The following TAFA2 variants were observed in gnomAD, a reference collection of about 807,000 sequenced individuals.
TAFA2 encodes TAFA chemokine like family member 2.
TAFA2 carries 7 observed loss-of-function variants against 18.8 expected under a neutral mutation model. The observed-to-expected ratio is 0.37, with a 90% CI of 0.21 to 0.70. The LOEUF is 0.70. Among genes scored for constraint, TAFA2 ranks in the 30% least tolerant of loss-of-function variants. The pLI is 0.53. For synonymous variants in TAFA2, 60 were observed against 54.2 expected, an observed-to-expected ratio of 1.11 and a Z score of -0.47; for missense variants, 122 against 158.1, an observed-to-expected ratio of 0.77 and a Z score of 1.23.
At chr12:61,888,328 C>A (rs1187082098) in intron 1 of TAFA2, among the ~76,000 whole-genome samples, 1 of 152,154 alleles carries the variant, frequency 6.6e-6, no homozygotes. Context: ...CAGAATGTCC[C>A]TAAGTGATTA....
chr12:61,821,680 A>C (rs1403972001), intron 2 of TAFA2, among the ~76,000 whole-genome samples: 2 of 152,092 alleles, frequency 1.3e-5, no homozygotes, highest in Non-Finnish European at 2.9e-5. Context: ...TCTATCCAGC[A>C]CATCTTCAAG....
intron 1 of TAFA2, among the ~76,000 whole-genome samples, chr12:62,042,165 T>A (rs10784278): frequency 0.2 from 30,894 of 151,794 alleles, 3,772 homozygotes; most frequent in East Asian, 0.37. Flanking sequence ...CACCCCTTCA[T>A]GGGGAGTCGT....
intron 1 of TAFA2, among the ~76,000 whole-genome samples, chr12:61,993,661 G>A (rs1565708769): frequency 1.3e-5 from 2 of 152,158 alleles, no homozygotes; most frequent in African/African-American, 4.8e-5. Flanking sequence ...AAGTCTCATA[G>A]ATCAGGATTT....
rs148335327 is a variant in TAFA2, at chr12:61,740,071, C to T, written c.384+13551G>A. Among the ~76,000 whole-genome samples the T allele has an allele frequency of 8.2e-3, 1,245 of 152,180 alleles. 10 individuals carry two copies. The highest frequency in any genetic ancestry group is 0.026 in the African/African-American group (1,089 of 41,544). On this transcript the variant is annotated intron_variant, in intron 4 of 4. Coordinates refer to ENST00000416284, the MANE Select transcript of TAFA2 (RefSeq NM_178539.5). ...AGCATTCTTTGAAAATAAATTTACA[C>T]TGCCTGATATTACCCAGTTTCTCTT...
Position 62,188,429 on chromosome 12 carries a change from A to G in TAFA2, c.-2+2830T>C, listed in dbSNP as rs141983421. On this transcript the variant is annotated intron_variant, in intron 1 of 4. Transcript: ENST00000416284. ...TTTTCAAATATATTAGAAATAACTGATGACACTTTGGAACATTCCTTGTTT... is the reference window on the plus strand; with the variant it reads ...TTTTCAAATATATTAGAAATAACTGGTGACACTTTGGAACATTCCTTGTTT... 2.9e-3 allele frequency among the ~76,000 whole-genome samples: 446 copies of G among 152,340 alleles called. 1 individual carries two copies. The highest frequency in any genetic ancestry group is 4.7e-3 in the Non-Finnish European group (321 of 68,024).
chr12:61,908,878 G>T (rs996407264), intron 1 of TAFA2, among the ~76,000 whole-genome samples: 4 of 152,120 alleles, frequency 2.6e-5, no homozygotes, highest in Non-Finnish European at 5.9e-5. Context: ...TCAGAATGTT[G>T]TATTCTCAGC....
intron 4 of TAFA2, among the ~76,000 whole-genome samples, chr12:61,750,196 C>A (rs1023127219): frequency 2.6e-5 from 4 of 152,012 alleles, no homozygotes; most frequent in African/African-American, 9.7e-5. Context: ...TTGAAAAGTT[C>A]TTTATTTGTC....
At chr12:61,858,361 T>C (rs1021564687) in intron 2 of TAFA2, among the ~76,000 whole-genome samples, 1 of 152,184 alleles carries the variant, frequency 6.6e-6, no homozygotes, top group Non-Finnish European at 1.5e-5. Flanking sequence ...CACCTAACCA[T>C]TTCATTCTTT....
intron 4 of TAFA2, among the ~76,000 whole-genome samples, chr12:61,724,749 CTATG>C (rs1251158369): frequency 2.1e-5 from 2 of 96,286 alleles, no homozygotes; most frequent in Non-Finnish European, 4.3e-5. Context: ...CATGGTATGT[CTATG>C]TGTGTGTGTG....
intron 1 of TAFA2, among the ~76,000 whole-genome samples, chr12:61,948,378 T>C (rs1184817081): frequency 6.6e-6 from 1 of 152,122 alleles, no homozygotes; most frequent in Non-Finnish European, 1.5e-5. Context: ...GGGATTCTAA[T>C]ACAAACATTT....
chr12:62,129,830 T>C (rs1870612143), intron 1 of TAFA2, among the ~76,000 whole-genome samples: 1 of 151,944 alleles, frequency 6.6e-6, no homozygotes, highest in Non-Finnish European at 1.5e-5. Flanking sequence ...CATTACCAAA[T>C]GTCCGCTATA....
rs144766955 is a variant in TAFA2, at chr12:61,769,447, T to A, written c.107-14423A>T. 3.3e-3 allele frequency among the ~76,000 whole-genome samples: 500 copies of A among 151,870 alleles called. 2 individuals carry two copies. Among genetic ancestry groups the A allele is most frequent in the Middle Eastern group, 0.024 (7 of 294 alleles). ...GGCCAACCAACACAAAACCATTGCA[T>A]TAAAAAAAACTACAACAAAGGACAC... On this transcript the variant is annotated intron_variant, in intron 2 of 4. Coordinates refer to ENST00000416284, the MANE Select transcript of TAFA2 (RefSeq NM_178539.5).
rs185891712 is a variant in TAFA2, at chr12:61,825,671, T to C, written c.106+41649A>G. 2.4e-3 allele frequency among the ~76,000 whole-genome samples: 360 copies of C among 152,238 alleles called. 2 individuals are homozygous for C. The highest frequency in any genetic ancestry group is 8.1e-3 in the African/African-American group (338 of 41,578). ...AAAATTAAAGGGAGATGGGTGTTTC[T>C]AATGCTTTTCAGGGTGCAGCACCGT... On this transcript the variant is annotated intron_variant, in intron 2 of 4. Transcript: ENST00000416284.
chr12:61,911,966 C>T (rs144553517), intron 1 of TAFA2, among the ~76,000 whole-genome samples: 2 of 152,166 alleles, frequency 1.3e-5, no homozygotes, highest in Non-Finnish European at 2.9e-5. Context: ...CTCATCCATC[C>T]CTTACTGAGG....
At chr12:61,997,008 T>C (rs1880211408) in intron 1 of TAFA2, among the ~76,000 whole-genome samples, 1 of 152,158 alleles carries the variant, frequency 6.6e-6, no homozygotes, top group Non-Finnish European at 1.5e-5. Context: ...GGCTCTCTTC[T>C]GGATTCTAGA....
intron 1 of TAFA2, among the ~76,000 whole-genome samples, chr12:62,223,869 A>G (rs937100406): frequency 6.6e-6 from 1 of 152,182 alleles, no homozygotes; most frequent in Non-Finnish European, 1.5e-5. Context: ...GGAAATTAGT[A>G]TACTGGGTAC....
At chr12:62,237,402 CTCTT>C in intron 1 of TAFA2, among the ~76,000 whole-genome samples, 1 of 152,236 alleles carries the variant, frequency 6.6e-6, no homozygotes, top group South Asian at 2.1e-4. Context: ...TTATTTTAAT[CTCTT>C]TGTTAAATTT....
intron 1 of TAFA2, among the ~76,000 whole-genome samples, chr12:62,120,386 A>C (rs1458837186): frequency 6.6e-6 from 1 of 152,226 alleles, no homozygotes; most frequent in Admixed American, 6.5e-5. Flanking sequence ...TAGTAATTTC[A>C]TTATGTAGGA....
intron 2 of TAFA2, among the ~76,000 whole-genome samples, chr12:61,863,076 C>A (rs528634918): frequency 6.6e-6 from 1 of 152,186 alleles, no homozygotes; most frequent in African/African-American, 2.4e-5. Context: ...CTGAAATGAC[C>A]AATTTACTAT....
Sources: allele counts gnomAD v4.1 joint callset (sites outside exome capture counted in the v4.1 genomes callset), GRCh38; gene constraint gnomAD v4.1.1; transcripts MANE v1.5; gene names NCBI Gene and HGNC (gene_info 2026-07-23, HGNC 2026-07-21).